CDH12: variants seen among roughly 807,000 people sequenced by gnomAD.
CDH12 encodes cadherin 12, also known as cadherin-12.
Under a neutral mutation model 74.1 loss-of-function variants are expected in CDH12, and 41 were observed. That is an observed-to-expected ratio of 0.55 (90% CI 0.43 to 0.72). The LOEUF is 0.72. Ranked by LOEUF, CDH12 falls within the 30% of genes least tolerant of loss-of-function variation. The probability of loss-of-function intolerance (pLI) is 0.00; values close to 1 mark genes in which losing one functional copy is unlikely to be tolerated. For synonymous variants in CDH12, 399 were observed against 355.0 expected (o/e 1.12, Z -1.39); for missense variants, 945 against 977.2 (o/e 0.97, Z 0.44).
At chr5:22,044,901 T>A (rs924614834) in intron 5 of CDH12, among the ~76,000 whole-genome samples, 15 of 152,134 alleles carry the variant, frequency 9.9e-5, no homozygotes, top group Admixed American at 9.2e-4. Flanking sequence ...ATTTTTTGGA[T>A]GAAACTTCAA....
intron 3 of CDH12, among the ~76,000 whole-genome samples, chr5:22,305,920 C>T (rs1738086550): frequency 6.6e-6 from 1 of 152,078 alleles, no homozygotes; most frequent in East Asian, 1.9e-4. Flanking sequence ...CTAAGGCACC[C>T]TGAATGATCT....
At chr5:22,336,356 G>C (rs1044475795) in intron 3 of CDH12, among the ~76,000 whole-genome samples, 5 of 152,212 alleles carry the variant, frequency 3.3e-5, no homozygotes, top group African/African-American at 7.2e-5. Flanking sequence ...ATTTGCCTAA[G>C]TAAGGAGGAG....
chr5:22,242,713 G>A (rs557582410), intron 3 of CDH12, among the ~76,000 whole-genome samples: 8 of 152,138 alleles, frequency 5.3e-5, no homozygotes, highest in African/African-American at 1.2e-4. Flanking sequence ...CTTTGAAAGC[G>A]ATAGGTGGCT....
intron 8 of CDH12, among the ~76,000 whole-genome samples, chr5:21,834,956 C>G (rs1749448320): frequency 6.6e-6 from 1 of 151,840 alleles, no homozygotes; most frequent in Admixed American, 6.6e-5. Context: ...TTTTTATTTT[C>G]CATCTATTTA....
At chr5:22,453,462 T>C (rs1433866504) in intron 2 of CDH12, among the ~76,000 whole-genome samples, 1 of 152,132 alleles carries the variant, frequency 6.6e-6, no homozygotes, top group Non-Finnish European at 1.5e-5. Context: ...GAGGACATTA[T>C]ATTAAGTGAA....
intron 3 of CDH12, among the ~76,000 whole-genome samples, chr5:22,272,669 T>A (rs1035855790): frequency 2.6e-5 from 4 of 152,138 alleles, no homozygotes; most frequent in Non-Finnish European, 5.9e-5. Flanking sequence ...CTCATTTCAA[T>A]ATTTTTGTGT....
At chr5:22,340,104 C>G (rs939852425) in intron 3 of CDH12, among the ~76,000 whole-genome samples, 1 of 152,096 alleles carries the variant, frequency 6.6e-6, no homozygotes, top group African/African-American at 2.4e-5. Flanking sequence ...CCATTATAAA[C>G]GAATTGGAGC....
chr5:22,528,140 G>A (rs1048694005), intron 1 of CDH12, among the ~76,000 whole-genome samples: 3 of 152,154 alleles, frequency 2.0e-5, no homozygotes, highest in African/African-American at 4.8e-5. Flanking sequence ...AGCAAAGAAG[G>A]ATGGTCATAG....
At chr5:22,178,539 T>C (rs1281817790) in intron 4 of CDH12, among the ~76,000 whole-genome samples, 2 of 152,188 alleles carry the variant, frequency 1.3e-5, no homozygotes, top group South Asian at 2.1e-4. Flanking sequence ...ATTGTTTCTA[T>C]TAATTAAACT....
chr5:21,873,976 G>T (rs980594665), intron 6 of CDH12, among the ~76,000 whole-genome samples: 6 of 152,134 alleles, frequency 3.9e-5, no homozygotes, highest in Non-Finnish European at 5.9e-5. Flanking sequence ...TGGTGTGTTT[G>T]TACCACATTT....
At chr5:22,202,157 T>TCCTTCCTTCCTC (rs751085262) in intron 4 of CDH12, among the ~76,000 whole-genome samples, 1 of 58,716 alleles carries the variant, frequency 1.7e-5, no homozygotes, top group African/African-American at 4.7e-5. Flanking sequence ...TTTCCTTCCT[T>TCCTTCCTTCCTC]CCTTCCTTCC....
intron 2 of CDH12, among the ~76,000 whole-genome samples, chr5:22,436,920 CA>C (rs1744421814): frequency 6.6e-6 from 1 of 151,822 alleles, no homozygotes; most frequent in African/African-American, 2.4e-5. Context: ...TGTACAACTA[CA>C]AGTACAAATA....
chr5:22,325,836 A>T lies in CDH12; in HGVS notation c.-333+79421T>A, dbSNP rs187959534. 7.3e-4 allele frequency among the ~76,000 whole-genome samples: 111 copies of T among 152,150 alleles called. 3 individuals carry two copies. In the East Asian group the frequency reaches 0.02, roughly 28 times the overall value. On this transcript the variant is annotated intron_variant, in intron 3 of 14. Transcript: ENST00000382254. ...GGCGGGAGAATGGTGTGAACCCGGG[A>T]GGCGGAGCTTGCAGTGAGCTGAGAT...
At chr5:21,882,728 T>A (rs1298432784) in intron 6 of CDH12, 1 of 1,603,094 alleles carries the variant, frequency 6.2e-7, no homozygotes, top group Non-Finnish European at 8.5e-7. Flanking sequence ...AGGTAGACCT[T>A]TTAGCCGATG....
intron 6 of CDH12, among the ~76,000 whole-genome samples, chr5:21,940,608 A>T (rs1185914288): frequency 6.6e-6 from 1 of 152,200 alleles, no homozygotes; most frequent in African/African-American, 2.4e-5. Flanking sequence ...AAACCATTTT[A>T]GTATCCAATT....
At chr5:22,693,570 T>G (rs1742196623) in intron 1 of CDH12, among the ~76,000 whole-genome samples, 1 of 152,132 alleles carries the variant, frequency 6.6e-6, no homozygotes, top group Non-Finnish European at 1.5e-5. Flanking sequence ...AATTAGAAAA[T>G]GAACATTATT....
At chr5:22,687,618 T>C (rs1259077798) in intron 1 of CDH12, among the ~76,000 whole-genome samples, 1 of 152,158 alleles carries the variant, frequency 6.6e-6, no homozygotes, top group Non-Finnish European at 1.5e-5. Context: ...ATTTTCCATG[T>C]TGCCCAGACC....
intron 6 of CDH12, among the ~76,000 whole-genome samples, chr5:21,870,308 A>G (rs1383365248): frequency 6.6e-6 from 1 of 152,146 alleles, no homozygotes; most frequent in Non-Finnish European, 1.5e-5. Flanking sequence ...GGGTGTTTCC[A>G]GAGGAGATTT....
At chr5:22,499,125 G>T (rs918939541) in intron 2 of CDH12, among the ~76,000 whole-genome samples, 5 of 150,528 alleles carry the variant, frequency 3.3e-5, no homozygotes, top group Non-Finnish European at 7.4e-5. Context: ...TTTGGCCAGT[G>T]CTGGTTTTGA....
Sources: allele counts gnomAD v4.1 joint callset (sites outside exome capture counted in the v4.1 genomes callset), GRCh38; gene constraint gnomAD v4.1.1; transcripts MANE v1.5; gene names NCBI Gene and HGNC (gene_info 2026-07-23, HGNC 2026-07-21).